PRKG1: variants seen among roughly 807,000 people sequenced by gnomAD.
The protein encoded by PRKG1 is protein kinase cGMP-dependent 1.
In PRKG1, 35 loss-of-function variants were observed where a neutral mutation model predicts 88.1. The observed-to-expected ratio is 0.40, with a 90% confidence interval of 0.30 to 0.53. The LOEUF (loss-of-function observed/expected upper bound fraction) is 0.53, where lower values mean the gene tolerates loss of function less well. Ranked by LOEUF, PRKG1 falls within the 20% of genes least tolerant of loss-of-function variation. The pLI, the probability that PRKG1 is intolerant of heterozygous loss-of-function variation, is 0.59. For missense variants in PRKG1, 540 were observed against 839.8 expected (o/e 0.64, Z 4.41); for synonymous variants, 303 against 292.5 (o/e 1.04, Z -0.37).
intron 2 of PRKG1, among the ~76,000 whole-genome samples, chr10:51,235,965 T>C (rs1838976829): frequency 6.6e-6 from 1 of 152,174 alleles, no homozygotes; most frequent in Non-Finnish European, 1.5e-5. Flanking sequence ...CAGAATCACC[T>C]GGAGGGCTTG....
intron 1 of PRKG1, among the ~76,000 whole-genome samples, chr10:51,059,334 G>A (rs1035534987): frequency 1.3e-5 from 2 of 152,096 alleles, no homozygotes; most frequent in African/African-American, 4.8e-5. Context: ...GTGTGCATGT[G>A]TGTGTGTACA....
At chr10:51,918,408 G>T (rs1842392436) in intron 5 of PRKG1, among the ~76,000 whole-genome samples, 1 of 151,450 alleles carries the variant, frequency 6.6e-6, no homozygotes, top group African/African-American at 2.4e-5. Context: ...TTGTGACAGG[G>T]ATCCATTTTA....
intron 5 of PRKG1, among the ~76,000 whole-genome samples, chr10:52,001,577 T>A (rs1323148731): frequency 4.6e-5 from 7 of 151,850 alleles, no homozygotes; most frequent in Admixed American, 1.3e-4. Context: ...CTTCAGTCAT[T>A]TTTTTTCCCT....
chr10:51,932,623 G>A (rs1327245243), intron 5 of PRKG1, among the ~76,000 whole-genome samples: 1 of 152,146 alleles, frequency 6.6e-6, no homozygotes, highest in African/African-American at 2.4e-5. Context: ...CAAGCGTGGG[G>A]TTTCGTTGTG....
At chr10:51,281,627 G>T (rs1041753788) in intron 2 of PRKG1, among the ~76,000 whole-genome samples, 4 of 152,184 alleles carry the variant, frequency 2.6e-5, no homozygotes. Flanking sequence ...ACCTCTGGGG[G>T]CGGGGCATAG....
intron 3 of PRKG1, among the ~76,000 whole-genome samples, chr10:51,639,036 T>G (rs982195029): frequency 6.6e-6 from 1 of 152,180 alleles, no homozygotes; most frequent in Non-Finnish European, 1.5e-5. Context: ...TAATGTTTTT[T>G]AAGGAATTGC....
At chr10:51,221,894 G>C (rs994102081) in intron 2 of PRKG1, among the ~76,000 whole-genome samples, 2 of 33,612 alleles carry the variant, frequency 6.0e-5, no homozygotes, top group East Asian at 1.3e-3. Context: ...TTTTTTTTTT[G>C]AGAGGGAGTT....
intron 7 of PRKG1, among the ~76,000 whole-genome samples, chr10:52,078,798 G>A (rs769970035): frequency 1.3e-5 from 2 of 152,186 alleles, no homozygotes; most frequent in African/African-American, 4.8e-5. Flanking sequence ...CCTGAAAAGT[G>A]CTGCTTAACC....
intron 2 of PRKG1, among the ~76,000 whole-genome samples, chr10:51,293,919 A>C (rs1178100279): frequency 1.3e-5 from 2 of 152,016 alleles, no homozygotes; most frequent in African/African-American, 4.8e-5. Flanking sequence ...TCATTCCAAG[A>C]GGTGTGAGCT....
At chr10:51,159,977 A>G (rs1036935893) in intron 2 of PRKG1, among the ~76,000 whole-genome samples, 15 of 152,176 alleles carry the variant, frequency 9.9e-5, no homozygotes, top group African/African-American at 3.4e-4. Context: ...CAAGAACCTT[A>G]TCTCCTGAGG....
In PRKG1 at chr10:51,610,219, A is replaced by G. The variant is rs145560776; in HGVS notation, c.592+142383A>G. On this transcript the variant is annotated intron_variant, in intron 3 of 17. Transcript: ENST00000373980. ...TAGTAACCTTACTAATCTATCAAAG[A>G]AGAGCTTATTCCTTCTATTGAACTG... 2.0e-3 allele frequency among the ~76,000 whole-genome samples: 301 copies of G among 152,190 alleles called. 1 individual carries two copies. Among genetic ancestry groups the G allele is most frequent in the African/African-American group, 6.8e-3 (284 of 41,532 alleles).
At chr10:51,750,397 T>C (rs945080275) in intron 3 of PRKG1, among the ~76,000 whole-genome samples, 13 of 152,234 alleles carry the variant, frequency 8.5e-5, no homozygotes, top group African/African-American at 3.1e-4. Context: ...AGACTGAATA[T>C]GTTTATAACA....
At chr10:51,152,597 T>C (rs1457011027) in intron 1 of PRKG1, among the ~76,000 whole-genome samples, 1 of 152,176 alleles carries the variant, frequency 6.6e-6, no homozygotes. Flanking sequence ...ACTGGCATCT[T>C]AGTAGACACT....
Position 52,163,310 on chromosome 10 carries a change from T to C in PRKG1, c.1076+1347T>C, listed in dbSNP as rs556656814. ...CATCTTATATATAATTTACATATAG[T>C]ATATATGTAATTTTATATGTATTAC... is the stretch of plus-strand genomic sequence containing the variant. On this transcript the variant is annotated intron_variant, in intron 9 of 17. Coordinates refer to ENST00000373980, the MANE Select transcript of PRKG1 (RefSeq NM_006258.4). 2.7e-5 allele frequency among the ~76,000 whole-genome samples: 4 copies of C among 148,540 alleles called. No individual in the cohort carries two copies. The South Asian group carries it at 8.4e-4, about 31-fold the overall frequency.
At chr10:51,466,539 T>A (rs1357158241) in intron 2 of PRKG1, among the ~76,000 whole-genome samples, 2 of 152,168 alleles carry the variant, frequency 1.3e-5, no homozygotes, top group East Asian at 3.9e-4. Flanking sequence ...GTGAATCACG[T>A]ACCACTAGTA....
intron 1 of PRKG1, among the ~76,000 whole-genome samples, chr10:51,108,170 C>T (rs1286670556): frequency 1.3e-5 from 2 of 152,100 alleles, no homozygotes; most frequent in South Asian, 2.1e-4. Flanking sequence ...TTCTACAAAA[C>T]ATTCAAAGAA....
intron 5 of PRKG1, among the ~76,000 whole-genome samples, chr10:52,034,435 A>G (rs11591389): frequency 0.12 from 17,566 of 149,624 alleles, 1,119 homozygotes; most frequent in Middle Eastern, 0.17. Context: ...AACATTTGTC[A>G]TATAGAATGA....
chr10:51,247,205 G>C (rs1406291920), intron 2 of PRKG1, among the ~76,000 whole-genome samples: 3 of 151,978 alleles, frequency 2.0e-5, no homozygotes, highest in Non-Finnish European at 4.4e-5. Context: ...TTGTGTGTTA[G>C]AGCTCAATTA....
At chr10:51,066,610 A>C (rs1168560948) in intron 1 of PRKG1, among the ~76,000 whole-genome samples, 2 of 152,146 alleles carry the variant, frequency 1.3e-5, no homozygotes, top group Non-Finnish European at 2.9e-5. Flanking sequence ...CAACACTGAA[A>C]GTATTAGAAG....
Sources: allele counts gnomAD v4.1 joint callset (sites outside exome capture counted in the v4.1 genomes callset), GRCh38; gene constraint gnomAD v4.1.1; transcripts MANE v1.5; gene names NCBI Gene and HGNC (gene_info 2026-07-23, HGNC 2026-07-21).